The following FIGN variants were observed in gnomAD, a reference collection of about 807,000 sequenced individuals.
FIGN encodes the protein fidgetin, microtubule severing factor, also known as fidgetin.
Under a neutral mutation model 51.3 loss-of-function variants are expected in FIGN, and 11 were observed. The observed-to-expected ratio is 0.21, with a 90% CI of 0.13 to 0.35. The LOEUF (loss-of-function observed/expected upper bound fraction) is 0.35. Ranked by LOEUF, FIGN falls within the 10% of genes least tolerant of loss-of-function variation. The pLI is 1.00. For synonymous variants in FIGN, 407 were observed against 363.2 expected, an observed-to-expected ratio of 1.12 and a Z score of -1.37; for missense variants, 857 against 943.6, an observed-to-expected ratio of 0.91 and a Z score of 1.20.
At chr2:163,678,646 G>T (rs989471439) in intron 2 of FIGN, among the ~76,000 whole-genome samples, 2 of 152,096 alleles carry the variant, frequency 1.3e-5, no homozygotes, top group Non-Finnish European at 2.9e-5. Context: ...GAGGAAATAA[G>T]AATAAAAATA....
intron 2 of FIGN, among the ~76,000 whole-genome samples, chr2:163,680,141 T>A (rs1448893922): frequency 6.6e-6 from 1 of 152,206 alleles, no homozygotes; most frequent in East Asian, 1.9e-4. Context: ...AATGGTGTGA[T>A]CTTTTAGATA....
At position 163,695,583 on chromosome 2, in the gene FIGN, C is replaced by T. The variant is rs142133576; in HGVS notation, c.25+39320G>A. Among the ~76,000 whole-genome samples, 3 of 152,268 alleles carry T rather than the reference C, an allele frequency of 2.0e-5. No individual in the cohort carries two copies. The East Asian group carries it at 5.8e-4, about 29-fold the overall frequency. On this transcript the variant is annotated intron_variant, in intron 2 of 2. Coordinates refer to ENST00000333129, the MANE Select transcript of FIGN (RefSeq NM_018086.4). ...TAACCATAAAATTTGTTGTCCAAAT[C>T]AGCACACATCTGAAAATGAAAGACT...
At chr2:163,629,385 G>T (rs1683108393) in intron 2 of FIGN, among the ~76,000 whole-genome samples, 1 of 152,106 alleles carries the variant, frequency 6.6e-6, no homozygotes. Flanking sequence ...ATGCAAGGTG[G>T]GATCAGACGT....
intron 2 of FIGN, among the ~76,000 whole-genome samples, chr2:163,679,251 TG>T (rs1684019847): frequency 6.6e-6 from 1 of 151,986 alleles, no homozygotes; most frequent in Admixed American, 6.6e-5. Context: ...CCCAGCACTT[TG>T]GGAGGCCGAG....
chr2:163,677,326 C>T (rs1441689470), intron 2 of FIGN, among the ~76,000 whole-genome samples: 1 of 152,134 alleles, frequency 6.6e-6, no homozygotes, highest in African/African-American at 2.4e-5. Context: ...CAAATATGAA[C>T]AATTTTATCC....
chr2:163,668,575 T>G (rs1683822535), intron 2 of FIGN, among the ~76,000 whole-genome samples: 1 of 152,210 alleles, frequency 6.6e-6, no homozygotes, highest in African/African-American at 2.4e-5. Flanking sequence ...GAAAGTATAT[T>G]ACATGGTAAT....
intron 2 of FIGN, among the ~76,000 whole-genome samples, chr2:163,677,734 T>C (rs150632659): frequency 6.6e-6 from 1 of 152,362 alleles, no homozygotes; most frequent in East Asian, 1.9e-4. Flanking sequence ...AGTGACATAC[T>C]TGTGAAAGCC....
chr2:163,656,898 G>T (rs1442330281), intron 2 of FIGN, among the ~76,000 whole-genome samples: 1 of 152,070 alleles, frequency 6.6e-6, no homozygotes, highest in Non-Finnish European at 1.5e-5. Flanking sequence ...ATGTAAAGAT[G>T]CCTGGCATGT....
At chr2:163,735,332 T>A (rs922188062) in intron 1 of FIGN, among the ~76,000 whole-genome samples, 1 of 152,168 alleles carries the variant, frequency 6.6e-6, no homozygotes, top group African/African-American at 2.4e-5. Context: ...TCCTAGATGA[T>A]GTGCTTACAT....
At chr2:163,728,041 T>C (rs1684865332) in intron 2 of FIGN, among the ~76,000 whole-genome samples, 1 of 152,186 alleles carries the variant, frequency 6.6e-6, no homozygotes, top group Non-Finnish European at 1.5e-5. Context: ...GCAACATTAG[T>C]GTTACCGCAT....
rs551384277 is a variant in FIGN, at chr2:163,728,169, G to GC, written c.25+6733dup. Among the ~76,000 whole-genome samples, 19 of 151,240 alleles carry GC rather than the reference G, an allele frequency of 1.3e-4. 1 individual carries two copies. The highest frequency in any genetic ancestry group is 6.3e-4 in the South Asian group (3 of 4,774). ...TTATAACAAGGTTATTTGGGGGTCT[G>GC]CCCCCCCCTTCCTGTCACTCAATGA... On this transcript the variant is annotated intron_variant, in intron 2 of 2. Transcript: ENST00000333129.
chr2:163,718,033 A>AT (rs1171966511), intron 2 of FIGN, among the ~76,000 whole-genome samples: 1 of 151,140 alleles, frequency 6.6e-6, no homozygotes, highest in Non-Finnish European at 1.5e-5. Flanking sequence ...GTGCATCTGA[A>AT]TGTTGATCAT....
chr2:163,627,445 T>C (rs1561605), intron 2 of FIGN, among the ~76,000 whole-genome samples: 79,518 of 151,850 alleles, frequency 0.52, 22,861 homozygotes, highest in Middle Eastern at 0.78. Context: ...ATCATATAAA[T>C]CAAGGGATGG....
In FIGN at chr2:163,610,541, C is replaced by A. The variant is rs1343693546; in HGVS notation, c.1291G>T (p.Gly431Trp). ...GAGAGGAGCTGCCTGTGCTCGTCCCCATGCTCACTCATTACTGGCGATGTG... is the reference window on the plus strand; with the variant it reads ...GAGAGGAGCTGCCTGTGCTCGTCCCAATGCTCACTCATTACTGGCGATGTG... ...KYTSPVMSEH[G>W]DEHRQLLSHP... The change falls in exon 3 of 3, where the codon GGG becomes TGG. Residue 431 changes from glycine to tryptophan, a missense_variant. Transcript: ENST00000333129. 7.4e-6 allele frequency: 12 copies of A among 1,614,198 alleles called. No homozygotes were observed. The highest frequency in any genetic ancestry group is 1.0e-5 in the Non-Finnish European group (12 of 1,180,032).
At chr2:163,671,303 A>G (rs1683871401) in intron 2 of FIGN, among the ~76,000 whole-genome samples, 2 of 152,294 alleles carry the variant, frequency 1.3e-5, no homozygotes, top group South Asian at 2.1e-4. Flanking sequence ...AAAGGAATCA[A>G]CCTCTGTGGC....
In FIGN at chr2:163,710,276, G is replaced by A. The variant is rs183584208; in HGVS notation, c.25+24627C>T. On this transcript the variant is annotated intron_variant, in intron 2 of 2. Transcript: ENST00000333129. ...AAAACTGAGAAATTTCAGCCTGGAG[G>A]TCTATGATCCTTAGAAAAAAATACA... is the stretch of plus-strand genomic sequence containing the variant. 2.9e-3 allele frequency among the ~76,000 whole-genome samples: 436 copies of A among 152,278 alleles called. 9 individuals are homozygous for A. The highest frequency in any genetic ancestry group is 9.9e-3 in the African/African-American group (410 of 41,550).
rs1250460122 is a variant in FIGN, at chr2:163,660,802, TAC to T, written c.26-48998_26-48997del. Among the ~76,000 whole-genome samples the T allele has an allele frequency of 5.6e-4, 55 of 98,972 alleles. 16 individuals are homozygous for T. Among genetic ancestry groups the T allele is most frequent in the Non-Finnish European group, 7.4e-4 (38 of 51,008 alleles). 64.9% of individuals were successfully genotyped at this position (98,972 alleles called of 152,430 possible). A position where few individuals can be genotyped will look rare whatever the true frequency, so the allele number is the denominator to read the frequency against. On this transcript the variant is annotated intron_variant, in intron 2 of 2. Transcript: ENST00000333129. The stretch of plus-strand genomic sequence containing the variant: ...ATATACATATATATGTATATAGATA[TAC>T]ATATATATACATATACATATATATG...
At chr2:163,718,365 G>T (rs1684702398) in intron 2 of FIGN, among the ~76,000 whole-genome samples, 1 of 152,254 alleles carries the variant, frequency 6.6e-6, no homozygotes, top group East Asian at 1.9e-4. Context: ...GCTTAAAGAT[G>T]ACAACCTCAT....
chr2:163,663,411 C>T (rs1403648260), intron 2 of FIGN, among the ~76,000 whole-genome samples: 1 of 151,590 alleles, frequency 6.6e-6, no homozygotes, highest in Non-Finnish European at 1.5e-5. Flanking sequence ...CTCAGCTCAC[C>T]GCAACCTCTG....
Sources: allele counts gnomAD v4.1 joint callset (sites outside exome capture counted in the v4.1 genomes callset), GRCh38; gene constraint gnomAD v4.1.1; transcripts MANE v1.5; gene names NCBI Gene and HGNC (gene_info 2026-07-23, HGNC 2026-07-21).